The following SEPTIN9 variants were observed in gnomAD, a reference collection of about 807,000 sequenced individuals.
SEPTIN9 encodes septin-9.
Under a neutral mutation model 56.6 loss-of-function variants are expected in SEPTIN9, and 13 were observed. The observed-to-expected ratio is 0.23, with a 90% CI of 0.15 to 0.37. The LOEUF (loss-of-function observed/expected upper bound fraction) is 0.37. Among genes scored for constraint, SEPTIN9 ranks in the 10% least tolerant of loss-of-function variants. The probability of loss-of-function intolerance (pLI) is 1.00; values close to 1 mark genes in which losing one functional copy is unlikely to be tolerated. For synonymous variants in SEPTIN9, 332 were observed against 334.1 expected (o/e 0.99, Z 0.07); for missense variants, 650 against 823.1 (o/e 0.79, Z 2.57).
intron 2 of SEPTIN9, among the ~76,000 whole-genome samples, chr17:77,378,798 C>T (rs2035030490): frequency 6.6e-6 from 1 of 152,138 alleles, no homozygotes; most frequent in South Asian, 2.1e-4. Context: ...CTGCAGGTTC[C>T]TCTTACTGGG....
intron 3 of SEPTIN9, among the ~76,000 whole-genome samples, chr17:77,415,752 T>A (rs1384124459): frequency 6.6e-6 from 1 of 152,186 alleles, no homozygotes; most frequent in Non-Finnish European, 1.5e-5. Flanking sequence ...GGAGCTGACG[T>A]GCGACCAAGG....
intron 2 of SEPTIN9, among the ~76,000 whole-genome samples, chr17:77,396,697 T>A (rs906457669): frequency 6.6e-6 from 1 of 151,972 alleles, no homozygotes; most frequent in African/African-American, 2.4e-5. Flanking sequence ...GTGACAGACA[T>A]CTCCTAATGT....
rs746041167 is a variant in SEPTIN9 at position 77,475,768 on chromosome 17, C to T, written c.722-6376C>T. 3 of 1,613,066 alleles carry T rather than the reference C, an allele frequency of 1.9e-6. No homozygotes were observed. Among genetic ancestry groups the T allele is most frequent in the South Asian group, 1.1e-5 (1 of 91,088 alleles). ...CCGGCAGCTTTCTCCTGGACACGGG[C>T]CTGGAAGGCTGACAGGGTGTGGTGA... is the stretch of plus-strand genomic sequence containing the variant. On this transcript the variant is annotated intron_variant, in intron 3 of 11. Coordinates refer to ENST00000427177, the MANE Select transcript of SEPTIN9 (RefSeq NM_001113491.2). The surrounding 1 kb of genome is among the most constrained non-coding windows in gnomAD (Gnocchi z 4.6).
At chr17:77,281,697 C>A in intron 1 of SEPTIN9, 143 bp downstream of exon 1, 1 of 735,230 alleles carries the variant, frequency 1.4e-6, no homozygotes, top group Non-Finnish European at 2.1e-6. Flanking sequence ...GAGTTCCTCC[C>A]AGGACAGGGC....
At chr17:77,484,959 T>C in intron 4 of SEPTIN9, among the ~76,000 whole-genome samples, 1 of 53,546 alleles carries the variant, frequency 1.9e-5, no homozygotes, top group Non-Finnish European at 3.7e-5. Context: ...CTGGTGATTG[T>C]GGTGGTGAAG....
intron 7 of SEPTIN9, among the ~76,000 whole-genome samples, chr17:77,490,260 C>A (rs1468976953): frequency 6.6e-6 from 1 of 152,220 alleles, no homozygotes; most frequent in African/African-American, 2.4e-5. Context: ...CCACAGCTTT[C>A]CCCACATCAG....
At position 77,371,142 on chromosome 17, in the gene SEPTIN9, C is replaced by T. The variant is rs1246750214; in HGVS notation, c.77-30917C>T. On this transcript the variant is annotated intron_variant, in intron 2 of 11. Transcript: ENST00000427177. The surrounding 1 kb of genome is among the most constrained non-coding windows in gnomAD (Gnocchi z 4.1). ...GGTTTCCTGAAAGAGCTCGGGGAAC[C>T]TCCTTACCTGGAGGTTTCTAGGCCT... Among the ~76,000 whole-genome samples the T allele has an allele frequency of 1.3e-5, 2 of 152,180 alleles. No individual in the cohort carries two copies. The highest frequency in any genetic ancestry group is 6.5e-5 in the Admixed American group (1 of 15,282).
chr17:77,439,792 G>A (rs764028706), intron 3 of SEPTIN9, among the ~76,000 whole-genome samples: 2 of 152,186 alleles, frequency 1.3e-5, no homozygotes, highest in African/African-American at 4.8e-5. Flanking sequence ...CTGGGCCTTC[G>A]CCTCTGCAGG....
chr17:77,311,499 G>A lies in SEPTIN9; in HGVS notation c.76+4302G>A, dbSNP rs151142978. 1.0e-3 allele frequency among the ~76,000 whole-genome samples: 155 copies of A among 152,290 alleles called. 4 individuals carry two copies. In the South Asian group the frequency reaches 0.023, roughly 23 times the overall value. ...AGTAGGTGTGAAAAAAGGGCCCTGT[G>A]GGGGCAAGGCCTGGGCTGGTGCTCG... On this transcript the variant is annotated intron_variant, in intron 2 of 11. Coordinates refer to ENST00000427177, the MANE Select transcript of SEPTIN9 (RefSeq NM_001113491.2).
intron 3 of SEPTIN9, among the ~76,000 whole-genome samples, chr17:77,461,116 C>A (rs1028293496): frequency 6.6e-6 from 1 of 151,832 alleles, no homozygotes; most frequent in African/African-American, 2.4e-5. Context: ...ACCAGCCTGG[C>A]CAACATGGAG....
Position 77,319,963 on chromosome 17 carries a change from G to T in SEPTIN9, c.76+12766G>T. On this transcript the variant is annotated intron_variant, in intron 2 of 11. Transcript: ENST00000427177. This position sits in a 1 kb window ranked among gnomAD's most constrained non-coding sequence, Gnocchi z 5.3. ...GCCACCGACCAGACCGGGCGGCCGG[G>T]ACTCTGGGACTCTCGCAGGCAGACC... The T allele has an allele frequency of 8.5e-7, 1 of 1,180,326 alleles. No homozygotes were observed. The highest frequency in any genetic ancestry group is 2.7e-5 in the South Asian group (1 of 36,838). The allele number at this position is 1,180,326 out of a possible 1,614,324, so 73.1% of individuals were successfully genotyped here.
At chr17:77,424,825 C>T (rs377325307) in intron 3 of SEPTIN9, among the ~76,000 whole-genome samples, 2 of 152,144 alleles carry the variant, frequency 1.3e-5, no homozygotes, top group African/African-American at 2.4e-5. Flanking sequence ...TGCTGACTGG[C>T]GGTCGCCGGG....
At chr17:77,395,454 G>C (rs1040359001) in intron 2 of SEPTIN9, among the ~76,000 whole-genome samples, 1 of 151,806 alleles carries the variant, frequency 6.6e-6, no homozygotes, top group Non-Finnish European at 1.5e-5. Flanking sequence ...GCGTGAACCT[G>C]GGAGGTGGAG....
chr17:77,424,639 G>A (rs1029690634), intron 3 of SEPTIN9, among the ~76,000 whole-genome samples: 5 of 152,194 alleles, frequency 3.3e-5, no homozygotes, highest in Non-Finnish European at 5.9e-5. Flanking sequence ...GGCCTTGCTG[G>A]TCAGGATCAC....
intron 3 of SEPTIN9, among the ~76,000 whole-genome samples, chr17:77,457,873 G>A (rs73375390): frequency 1.7e-3 from 256 of 152,256 alleles, no homozygotes; most frequent in African/African-American, 5.3e-3. Flanking sequence ...CTTCTTAGAG[G>A]GTGAATAAGC....
At chr17:77,468,844 T>A (rs1298492208) in intron 3 of SEPTIN9, among the ~76,000 whole-genome samples, 1 of 150,114 alleles carries the variant, frequency 6.7e-6, no homozygotes, top group African/African-American at 2.5e-5. Flanking sequence ...TGGGTTAACA[T>A]TGATGAGAGT....
intron 3 of SEPTIN9, among the ~76,000 whole-genome samples, chr17:77,464,806 C>T (rs898917459): frequency 3.3e-5 from 5 of 151,824 alleles, no homozygotes; most frequent in African/African-American, 1.2e-4. Flanking sequence ...GGGGTTTCAC[C>T]GTGGTCTCAA....
chr17:77,322,032 T>C (rs1270563328), intron 2 of SEPTIN9, among the ~76,000 whole-genome samples: 1 of 152,188 alleles, frequency 6.6e-6, no homozygotes, highest in African/African-American at 2.4e-5. Context: ...CCCTGCCTCC[T>C]GGGCCACCAG....
chr17:77,391,526 G>A (rs369141876), intron 2 of SEPTIN9, among the ~76,000 whole-genome samples: 14 of 152,308 alleles, frequency 9.2e-5, no homozygotes, highest in South Asian at 6.2e-4. Context: ...ACTAAATTCA[G>A]AATGATCTCA....
Sources: allele counts gnomAD v4.1 joint callset (sites outside exome capture counted in the v4.1 genomes callset), GRCh38; gene constraint gnomAD v4.1.1; non-coding constraint Gnocchi (gnomAD v3.1); transcripts MANE v1.5; gene names NCBI Gene and HGNC (gene_info 2026-07-23, HGNC 2026-07-21).